The following ILDR1 variants were observed in gnomAD, a reference collection of about 807,000 sequenced individuals.
ILDR1 encodes immunoglobulin-like domain-containing receptor 1.
ILDR1 carries 56 observed loss-of-function variants against 62.4 expected under a neutral mutation model. That is an observed-to-expected ratio of 0.90 (90% CI 0.72 to 1.12). The LOEUF is 1.12. Among genes scored for constraint, ILDR1 ranks in the 50% most tolerant of loss-of-function variants. ILDR1 has a pLI of 0.00. For missense variants in ILDR1, 736 were observed against 710.6 expected, an observed-to-expected ratio of 1.04 and a Z score of -0.41; for synonymous variants, 284 against 277.8, an observed-to-expected ratio of 1.02 and a Z score of -0.22.
At chr3:122,007,627 C>T (rs533093430) in intron 1 of ILDR1, among the ~76,000 whole-genome samples, 2 of 152,294 alleles carry the variant, frequency 1.3e-5, no homozygotes, top group African/African-American at 2.4e-5. Flanking sequence ...TGTCCCTTCA[C>T]GTCCCATCGA....
the ILDR1 span, among the ~76,000 whole-genome samples, chr3:122,045,846 C>T: frequency 6.6e-6 from 1 of 150,992 alleles, no homozygotes. Flanking sequence ...GAATACAGCA[C>T]ACTGATGGGT....
the ILDR1 span, among the ~76,000 whole-genome samples, chr3:122,041,916 T>C: frequency 2.0e-5 from 3 of 151,734 alleles, no homozygotes; most frequent in African/African-American, 7.2e-5. Flanking sequence ...TTTTCTTTTT[T>C]TTTTTTATTA....
At chr3:122,048,710 G>A in the ILDR1 span, among the ~76,000 whole-genome samples, 12,965 of 152,224 alleles carry the variant, frequency 0.085, 600 homozygotes, top group African/African-American at 0.098. Context: ...TTGTTGGAAC[G>A]TAAGTGTTCA....
At position 122,007,174 on chromosome 3, in the gene ILDR1, G is replaced by A. The variant is rs762552436; in HGVS notation, c.59-13C>T. 6.2e-7 allele frequency: 1 copy of A among 1,614,156 alleles called. No homozygotes were observed. The highest frequency in any genetic ancestry group is 1.6e-4 in the Middle Eastern group (1 of 6,062). On this transcript the variant is annotated splice_polypyrimidine_tract_variant and intron_variant, in intron 1 of 7. Transcript: ENST00000344209. Reference sequence around the variant, plus strand: ...AAGGACAGGCACCCTAAAGCCAAGAGCAGGAGAAAATGCTGAAGGTGACCT... The same window carrying A: ...AAGGACAGGCACCCTAAAGCCAAGAACAGGAGAAAATGCTGAAGGTGACCT...
the ILDR1 span, among the ~76,000 whole-genome samples, chr3:122,030,843 A>G: frequency 6.6e-6 from 1 of 152,206 alleles, no homozygotes; most frequent in African/African-American, 2.4e-5. Flanking sequence ...GTAGCTTATT[A>G]AAGTTCCCAG....
At chr3:122,053,827 C>T in the ILDR1 span, among the ~76,000 whole-genome samples, 1 of 152,166 alleles carries the variant, frequency 6.6e-6, no homozygotes, top group African/African-American at 2.4e-5. Context: ...AGTGTGTACA[C>T]TGCTACCAAG....
At chr3:122,041,417 C>T in the ILDR1 span, among the ~76,000 whole-genome samples, 2 of 152,180 alleles carry the variant, frequency 1.3e-5, no homozygotes, top group African/African-American at 4.8e-5. Flanking sequence ...CAAGAAGCCC[C>T]TTGAAAGATG....
Position 121,994,237 on chromosome 3 carries a change from C to T in ILDR1, c.723G>A (p.Gly241=), listed in dbSNP as rs536839975. 15 of 1,536,104 alleles carry T rather than the reference C, an allele frequency of 9.8e-6. No homozygotes were observed. The African/African-American group carries it at 2.1e-4, about 21-fold the overall frequency. The change falls in exon 6 of 8, where the codon GGG becomes GGA. Residue 241 remains glycine (G), a synonymous_variant. Coordinates refer to ENST00000344209, the MANE Select transcript of ILDR1 (RefSeq NM_001199799.2). ...PQMMGKPLYW[G]ADRSSQVSSY... ...ATGAAACCTGGGAGCTCCTGTCCGCCCCCCAGTACAGGGGTTTTCCCATCA... is the reference window on the plus strand; with the variant it reads ...ATGAAACCTGGGAGCTCCTGTCCGCTCCCCAGTACAGGGGTTTTCCCATCA...
At chr3:122,016,063 T>G (rs1421939066) in intron 1 of ILDR1, among the ~76,000 whole-genome samples, 1 of 152,216 alleles carries the variant, frequency 6.6e-6, no homozygotes, top group Non-Finnish European at 1.5e-5. Flanking sequence ...TCCTACCCAC[T>G]TCTCTGGCCT....
chr3:122,018,695 G>A (rs2071813287), intron 1 of ILDR1, among the ~76,000 whole-genome samples: 2 of 152,144 alleles, frequency 1.3e-5, no homozygotes, highest in South Asian at 4.1e-4. Flanking sequence ...TTCCTTATCT[G>A]TAAAACTGGC....
At chr3:122,018,954 C>T (rs1241344258) in intron 1 of ILDR1, among the ~76,000 whole-genome samples, 1 of 152,210 alleles carries the variant, frequency 6.6e-6, no homozygotes, top group Non-Finnish European at 1.5e-5. Flanking sequence ...GATGCTGTCT[C>T]TCTAAGGATA....
chr3:122,029,009 A>T, the ILDR1 span, among the ~76,000 whole-genome samples: 2 of 152,210 alleles, frequency 1.3e-5, no homozygotes, highest in African/African-American at 4.8e-5. Flanking sequence ...ATAATAGACA[A>T]ACAGAGTGGT....
In ILDR1 at chr3:121,993,144, G is replaced by A; in HGVS notation, c.1599+6C>T. On this transcript the variant is annotated splice_donor_region_variant and intron_variant, in intron 7 of 7. Transcript: ENST00000344209. ...CCCAACCCTCAGCAGGATGCCCCAG[G>A]CTCACCGAGCGCCTCTCCACACTCC... 3 of 1,572,322 alleles carry A rather than the reference G, an allele frequency of 1.9e-6. No homozygotes were observed. Among genetic ancestry groups the A allele is most frequent in the Non-Finnish European group, 2.6e-6 (3 of 1,157,388 alleles).
the ILDR1 span, among the ~76,000 whole-genome samples, chr3:122,048,104 T>A: frequency 6.6e-6 from 1 of 152,234 alleles, no homozygotes; most frequent in African/African-American, 2.4e-5. Flanking sequence ...ATCCCCTTTA[T>A]TATGTTGAGG....
At chr3:122,035,718 G>T in the ILDR1 span, among the ~76,000 whole-genome samples, 1 of 152,160 alleles carries the variant, frequency 6.6e-6, no homozygotes, top group African/African-American at 2.4e-5. Flanking sequence ...TCCCACCCAT[G>T]CTTCTGTTCA....
the ILDR1 span, among the ~76,000 whole-genome samples, chr3:122,030,404 G>A: frequency 6.6e-6 from 1 of 151,916 alleles, no homozygotes; most frequent in Non-Finnish European, 1.5e-5. Context: ...TCAGCCACAT[G>A]CTTCTCCCCT....
chr3:121,990,734 G>T (rs938847673), intron 7 of ILDR1, among the ~76,000 whole-genome samples: 2 of 152,100 alleles, frequency 1.3e-5, no homozygotes, highest in African/African-American at 4.8e-5. Flanking sequence ...ACGGGTACAT[G>T]CCACTGCACT....
chr3:122,031,540 A>G, the ILDR1 span, among the ~76,000 whole-genome samples: 6 of 152,064 alleles, frequency 3.9e-5, no homozygotes, highest in Admixed American at 1.3e-4. Flanking sequence ...CTAGTCCCCA[A>G]GGTGATGGTA....
Position 121,988,277 on chromosome 3 carries a change from T to TG in ILDR1, c.*89dup. ...AGCCAAAAACTGTTAGACTCAGACT[T>TG]GCAGTTCCCAAGTCAGCTGGAAACC... is the stretch of plus-strand genomic sequence containing the variant. On this transcript the variant is annotated 3_prime_UTR_variant, in exon 8 of 8. Transcript: ENST00000344209. 1 of 1,045,060 alleles carries TG rather than the reference T, an allele frequency of 9.6e-7. No individual in the cohort carries two copies. Among genetic ancestry groups the TG allele is most frequent in the South Asian group, 1.3e-5 (1 of 79,150 alleles). The allele number at this position is 1,045,060 out of a possible 1,614,324, so 64.7% of individuals were successfully genotyped here. A position where few individuals can be genotyped will look rare whatever the true frequency, so the allele number is the denominator to read the frequency against.
Sources: gnomAD v4.1 joint callset for allele counts (sites outside exome capture counted in the v4.1 genomes callset) on GRCh38, gnomAD v4.1.1 for gene constraint, MANE v1.5 for transcripts, NCBI Gene and HGNC (gene_info 2026-07-23, HGNC 2026-07-21) for gene names.